ARFGEF2: variants seen among roughly 807,000 people sequenced by gnomAD.
The protein encoded by ARFGEF2 is ARF guanine nucleotide exchange factor 2.
A neutral mutation model predicts 219.9 loss-of-function variants in ARFGEF2; 74 were observed. That is an observed-to-expected ratio of 0.34 (90% CI 0.28 to 0.41). The LOEUF (loss-of-function observed/expected upper bound fraction) is 0.41. Ranked by LOEUF, ARFGEF2 falls within the 10% of genes least tolerant of loss-of-function variation. The pLI is 1.00. For missense variants in ARFGEF2, 1,743 were observed against 2,218.3 expected, an observed-to-expected ratio of 0.79 and a Z score of 4.30; for synonymous variants, 733 against 799.2, an observed-to-expected ratio of 0.92 and a Z score of 1.40.
intron 1 of ARFGEF2, among the ~76,000 whole-genome samples, chr20:48,937,336 C>A (rs1482677914): frequency 2.6e-5 from 4 of 152,238 alleles, no homozygotes; most frequent in African/African-American, 9.6e-5. Flanking sequence ...CCATCCCTTA[C>A]AAAGATGCCG....
At chr20:49,030,894 A>C (rs1568747852) in intron 37 of ARFGEF2, among the ~76,000 whole-genome samples, 1 of 152,190 alleles carries the variant, frequency 6.6e-6, no homozygotes, top group Non-Finnish European at 1.5e-5. Context: ...CGGGAGGCTG[A>C]GGCAGGAGAA....
At chr20:48,992,258 C>G (rs2091361532) in intron 21 of ARFGEF2, among the ~76,000 whole-genome samples, 3 of 152,210 alleles carry the variant, frequency 2.0e-5, no homozygotes, top group African/African-American at 7.2e-5. Context: ...AAAGCATTAA[C>G]ATTCTGTCTG....
intron 1 of ARFGEF2, among the ~76,000 whole-genome samples, chr20:48,924,851 C>T (rs2090866838): frequency 6.6e-6 from 1 of 152,112 alleles, no homozygotes; most frequent in Admixed American, 6.6e-5. Context: ...CAAGTTACTT[C>T]CTTATAGGAT....
chr20:48,973,297 T>C lies in ARFGEF2; in HGVS notation c.1665+13T>C, dbSNP rs758237258. ...GACACCTCTGCAGGTAAAAACACTG[T>C]GGACACTCAATTATATTAAAGTTTA... On this transcript the variant is annotated intron_variant, in intron 12 of 38. Coordinates refer to ENST00000371917, the MANE Select transcript of ARFGEF2 (RefSeq NM_006420.3). 2.8e-5 allele frequency: 45 copies of C among 1,613,984 alleles called. No homozygotes were observed. In the South Asian group the frequency reaches 3.3e-4, roughly 12 times the overall value.
At chr20:48,989,108 AC>A (rs1382538034) in intron 18 of ARFGEF2, among the ~76,000 whole-genome samples, 176 bp from the exon 19 acceptor site, 1 of 152,062 alleles carries the variant, frequency 6.6e-6, no homozygotes, top group Non-Finnish European at 1.5e-5. Context: ...CAAGTGACTT[AC>A]CCCCTCTGCC....
rs1047816435 is a variant in ARFGEF2 at position 48,988,585 on chromosome 20, A to G, written c.2456A>G (p.Tyr819Cys). 2.5e-6 allele frequency: 4 copies of G among 1,613,656 alleles called. No homozygotes were observed. The highest frequency in any genetic ancestry group is 1.3e-5 in the African/African-American group (1 of 75,054). ...DLPEEYLSSI[Y>C]EEIEGKKIAM... The stretch of plus-strand genomic sequence containing the variant: ...CCAGAAGAGTATCTCTCAAGCATCT[A>G]TGAAGAGATAGAAGGCAAGAAAATT... The change falls in exon 18 of 39, where the codon TAT (tyrosine) becomes TGT (cysteine). Residue 819 changes from tyrosine (Y) to cysteine (C), a missense_variant. Coordinates refer to ENST00000371917, the MANE Select transcript of ARFGEF2 (RefSeq NM_006420.3).
intron 1 of ARFGEF2, among the ~76,000 whole-genome samples, chr20:48,934,444 T>C (rs1233695323): frequency 6.6e-6 from 1 of 152,218 alleles, no homozygotes; most frequent in Admixed American, 6.5e-5. Context: ...CATCAACCCG[T>C]AATCTGGGTT....
chr20:49,007,396 TCTC>T (rs1319780412), intron 26 of ARFGEF2, among the ~76,000 whole-genome samples: 3 of 151,316 alleles, frequency 2.0e-5, no homozygotes, highest in Non-Finnish European at 2.9e-5. Context: ...TTCAAACAAT[TCTC>T]CTGCCTCAGC....
Position 48,953,667 on chromosome 20 carries a change from C to G in ARFGEF2, c.715C>G (p.Gln239Glu). 1 of 1,614,094 alleles carries G rather than the reference C, an allele frequency of 6.2e-7. No individual in the cohort carries two copies. Among genetic ancestry groups the G allele is most frequent in the South Asian group, 1.1e-5 (1 of 91,074 alleles). ...KFVRLKHSQA[Q>E]SKPTTPEKTD... ...CGTTCGTTTGAAGCACAGTCAGGCA[C>G]AAAGCAAACCAACAACTCCCGAAAA... The change falls in exon 6 of 39, where the codon CAA (glutamine) becomes GAA (glutamate). Residue 239 changes from glutamine (Q) to glutamate (E), a missense_variant. Gln to Glu is a conservative substitution (Grantham distance 29, BLOSUM62 2). Around this residue, in one of 5 missense-constraint regions of ARFGEF2, gnomAD observed 394 missense variants for 426.6 expected, o/e 0.92. Transcript: ENST00000371917.
rs2091656533 is a variant in ARFGEF2 at position 49,034,772 on chromosome 20, A to C, written c.*1573A>C. On this transcript the variant is annotated 3_prime_UTR_variant, in exon 39 of 39. Coordinates refer to ENST00000371917, the MANE Select transcript of ARFGEF2 (RefSeq NM_006420.3). ...TGCTTACTAAGAGACCGATATTCTT[A>C]AGTTGTTTTCTTGTTTTAACAGCCT... The C allele has an allele frequency of 6.6e-6, 1 of 152,172 alleles. No individual in the cohort carries two copies. The highest frequency in any genetic ancestry group is 1.5e-5 in the Non-Finnish European group (1 of 68,028). The allele number at this position is 152,172 out of a possible 1,614,324, so 9.4% of individuals were successfully genotyped here.
chr20:49,018,970 T>C lies in ARFGEF2; in HGVS notation c.4596T>C (p.Asp1532=), dbSNP rs777365639. The C allele has an allele frequency of 6.2e-7, 1 of 1,613,994 alleles. No individual in the cohort carries two copies. The highest frequency in any genetic ancestry group is 8.5e-7 in the Non-Finnish European group (1 of 1,179,892). ...RGQSQLSNPT[D]DSWKGRPYAN... ...AGAGCCAGCTCTCTAACCCAACAGATGACAGCTGGAAGGGTAGACCATACG... is the reference window on the plus strand; with the variant it reads ...AGAGCCAGCTCTCTAACCCAACAGACGACAGCTGGAAGGGTAGACCATACG... The change falls in exon 34 of 39, where the codon GAT becomes GAC. Residue 1532 remains aspartate (D), a synonymous_variant. Transcript: ENST00000371917.
At position 48,921,949 on chromosome 20, in the gene ARFGEF2, C is replaced by T; in HGVS notation, c.60C>T (p.Ala20=). 5 of 1,570,868 alleles carry T rather than the reference C, an allele frequency of 3.2e-6. No individual in the cohort carries two copies. The highest frequency in any genetic ancestry group is 4.3e-6 in the Non-Finnish European group (5 of 1,158,186). The change falls in exon 1 of 39, where the codon GCC becomes GCT. Residue 20 remains alanine, a synonymous_variant. Transcript: ENST00000371917. ...CCCGGGCCCTGGAGAAGATCCTAGC[C>T]GACAAGGAGGTGAAGCGGCCCCAGC... The part of the protein sequence containing the change: ...FVSRALEKIL[A]DKEVKRPQHS...
chr20:48,940,863 A>G (rs1600593447), intron 1 of ARFGEF2, among the ~76,000 whole-genome samples: 2 of 152,228 alleles, frequency 1.3e-5, no homozygotes, highest in East Asian at 3.8e-4. Context: ...GGGCAGCCTC[A>G]TAACAAAGAA....
intron 3 of ARFGEF2, among the ~76,000 whole-genome samples, chr20:48,945,879 AACAC>A (rs1364278482): frequency 3.3e-5 from 5 of 152,100 alleles, no homozygotes; most frequent in Admixed American, 1.3e-4. Flanking sequence ...AAAAAGGAAA[AACAC>A]ACAGAAAGGA....
chr20:49,018,617 A>T (rs1568740707), intron 33 of ARFGEF2, among the ~76,000 whole-genome samples: 1 of 152,218 alleles, frequency 6.6e-6, no homozygotes, highest in Non-Finnish European at 1.5e-5. Context: ...TGTCACACTT[A>T]TTGTTAAATC....
At chr20:49,013,983 C>T (rs772989719) in intron 30 of ARFGEF2, 23 bp downstream of exon 30, 1 of 1,613,558 alleles carries the variant, frequency 6.2e-7, no homozygotes, top group Non-Finnish European at 8.5e-7. Flanking sequence ...TACAGCACTG[C>T]CCTAGGTATG....
In ARFGEF2 at chr20:48,953,791, G is replaced by A. The variant is rs1408395685; in HGVS notation, c.838+1G>A. 2 of 1,613,622 alleles carry A rather than the reference G, an allele frequency of 1.2e-6. No individual in the cohort carries two copies. The highest frequency in any genetic ancestry group is 1.1e-5 in the South Asian group (1 of 90,982). On this transcript the variant is annotated splice_donor_variant, in intron 6 of 38. Transcript: ENST00000371917. LOFTEE classifies it high-confidence loss of function. ...AGAGAAAGAGGCTCATCACTGTCAG[G>A]TACGGGCTGATACGGTATGGCTCTT...
At chr20:49,006,879 TTTTG>T (rs2091463603) in intron 26 of ARFGEF2, among the ~76,000 whole-genome samples, 1 of 151,298 alleles carries the variant, frequency 6.6e-6, no homozygotes. Flanking sequence ...CGTTGGAGGT[TTTTG>T]TTTTTTTTTT....
At chr20:48,976,915 ATTTGT>A (rs2091265617) in intron 14 of ARFGEF2, among the ~76,000 whole-genome samples, 2 of 150,606 alleles carry the variant, frequency 1.3e-5, no homozygotes, top group Non-Finnish European at 3.0e-5. Flanking sequence ...TGTTTGTCTT[ATTTGT>A]TTTATTTTTT....
Sources: gnomAD v4.1 joint callset for allele counts (sites outside exome capture counted in the v4.1 genomes callset) on GRCh38, gnomAD v4.1.1 for gene constraint, gnomAD v4.1.1 regional missense constraint, MANE v1.5 for transcripts, NCBI Gene and HGNC (gene_info 2026-07-23, HGNC 2026-07-21) for gene names.